Variants in CFAP44 observed in about 807,000 individuals in gnomAD.
The protein encoded by CFAP44 is cilia and flagella associated protein 44, also known as cilia- and flagella-associated protein 44.
A neutral mutation model predicts 216.2 loss-of-function variants in CFAP44; 134 were observed. That is an observed-to-expected ratio of 0.62 (90% CI 0.54 to 0.72). The LOEUF is 0.72. CFAP44 is among the 30% of genes least tolerant of loss of function. The pLI is 0.00. For synonymous variants in CFAP44, 700 were observed against 727.6 expected, an observed-to-expected ratio of 0.96 and a Z score of 0.61; for missense variants, 2,035 against 2,182.1, an observed-to-expected ratio of 0.93 and a Z score of 1.34.
At chr3:113,423,665 T>A (rs1486886160) in intron 4 of CFAP44, among the ~76,000 whole-genome samples, 1 of 152,242 alleles carries the variant, frequency 6.6e-6, no homozygotes, top group Non-Finnish European at 1.5e-5. Flanking sequence ...AAGTTCTGTA[T>A]AATCTCTTTT....
chr3:113,389,278 G>A (rs906820789), intron 15 of CFAP44, among the ~76,000 whole-genome samples: 5 of 151,902 alleles, frequency 3.3e-5, no homozygotes, highest in Non-Finnish European at 7.4e-5. Context: ...ATGACCAGTG[G>A]GTCAATGAAG....
intron 33 of CFAP44, among the ~76,000 whole-genome samples, chr3:113,296,212 G>A (rs1301770466): frequency 1.3e-5 from 2 of 152,112 alleles, no homozygotes; most frequent in African/African-American, 2.4e-5. Flanking sequence ...TCGTGTTGCT[G>A]CAAAGGACAT....
rs142425145 is a variant in CFAP44, at chr3:113,401,647, C to T, written c.1263G>A (p.Lys421=). The part of the protein sequence containing the change: ...IEPINELQVD[K]NVNLFSMIKM... ...TTATCATAGAGAAGAGATTCACATT[C>T]TTGTCTACTTGAAGTTCATTAATAG... Residue 421 remains lysine (K), a synonymous_variant, in exon 10 of 35, where the codon AAG becomes AAA. Coordinates refer to ENST00000393845, the MANE Select transcript of CFAP44 (RefSeq NM_001164496.2). The T allele has an allele frequency of 5.4e-5, 87 of 1,613,432 alleles. No individual in the cohort carries two copies. Among genetic ancestry groups the T allele is most frequent in the Non-Finnish European group, 7.2e-5 (85 of 1,179,756 alleles).
intron 28 of CFAP44, among the ~76,000 whole-genome samples, chr3:113,319,630 T>C (rs144272792): frequency 5.3e-5 from 8 of 152,304 alleles, no homozygotes; most frequent in Non-Finnish European, 7.4e-5. Flanking sequence ...ACTTAGAATA[T>C]ACATTCTTCT....
chr3:113,401,688 A>G lies in CFAP44; in HGVS notation c.1222T>C (p.Leu408=), dbSNP rs1934145384. ...TCATTAATAGGCTCAATCTCCAACA[A>G]TCCAGTCTCATCTATTACATCAGCA... ...DTADVIDETG[L]LEIEPINELQ... The change falls in exon 10 of 35, where the codon TTG becomes CTG. Residue 408 remains leucine (L), a synonymous_variant. Coordinates refer to ENST00000393845, the MANE Select transcript of CFAP44 (RefSeq NM_001164496.2). 1 of 1,613,406 alleles carries G rather than the reference A, an allele frequency of 6.2e-7. No individual in the cohort carries two copies. Among genetic ancestry groups the G allele is most frequent in the South Asian group, 1.1e-5 (1 of 91,064 alleles).
chr3:113,374,671 G>C (rs1319337229), intron 17 of CFAP44, among the ~76,000 whole-genome samples: 1 of 152,152 alleles, frequency 6.6e-6, no homozygotes, highest in Admixed American at 6.5e-5. Context: ...GTCTTACTCT[G>C]TCACCCAGGC....
intron 15 of CFAP44, among the ~76,000 whole-genome samples, chr3:113,390,839 T>C (rs1659576200): frequency 6.6e-6 from 1 of 151,808 alleles, no homozygotes; most frequent in Admixed American, 6.6e-5. Flanking sequence ...ATGAAAGAAA[T>C]TGAAGAGGAA....
rs1320178914 is a variant in CFAP44, at chr3:113,409,368, C to G, written c.674-46G>C. ...CTAATAAATAAGGACACATTTATTT[C>G]ATTTTCAAAAACATATTGTAAAAAA... On this transcript the variant is annotated intron_variant, in intron 6 of 34. Transcript: ENST00000393845. 6 of 1,533,416 alleles carry G rather than the reference C, an allele frequency of 3.9e-6. No homozygotes were observed. In the East Asian group the frequency reaches 1.4e-4, roughly 35 times the overall value. 95.0% of individuals were successfully genotyped at this position (1,533,416 alleles called of 1,614,324 possible).
intron 34 of CFAP44, 61 bp from the exon 35 acceptor site, chr3:113,291,809 C>T (rs553619517): frequency 2.0e-6 from 3 of 1,506,572 alleles, no homozygotes; most frequent in Admixed American, 2.0e-5. Flanking sequence ...ACTCCATGCC[C>T]TTATACTGTG....
chr3:113,294,527 G>T lies in CFAP44; in HGVS notation c.5373+160C>A, dbSNP rs1015131696. ...AGTCCCTCAGGCCCACTGTAATGTG[G>T]CTAACACCAACTCAGTGTCCTCGGG... is the stretch of plus-strand genomic sequence containing the variant. On this transcript the variant is annotated intron_variant, in intron 34 of 34. Transcript: ENST00000393845. 6 of 926,146 alleles carry T rather than the reference G, an allele frequency of 6.5e-6. No homozygotes were observed. The African/African-American group carries it at 8.4e-5, about 13-fold the overall frequency. The allele number at this position is 926,146 out of a possible 1,614,324, so 57.4% of individuals were successfully genotyped here.
In CFAP44 at chr3:113,396,590, C is replaced by T. The variant is rs1201948417; in HGVS notation, c.1707G>A (p.Gln569=). Residue 569 remains glutamine (Q), a synonymous_variant, in exon 14 of 35, where the codon CAG becomes CAA. Coordinates refer to ENST00000393845, the MANE Select transcript of CFAP44 (RefSeq NM_001164496.2). The stretch of plus-strand genomic sequence containing the variant: ...CACAAGCAGTATGGGGTTTGAAAAC[C>T]TGTTTCAACTGAATATCAGCATCCA... ...KILDADIQLK[Q]VFKPHTACVT... is the part of the protein sequence containing the mutation. The T allele has an allele frequency of 2.5e-6, 4 of 1,613,974 alleles. No individual in the cohort carries two copies. The highest frequency in any genetic ancestry group is 2.2e-5 in the East Asian group (1 of 44,882).
intron 5 of CFAP44, among the ~76,000 whole-genome samples, chr3:113,419,293 GT>G (rs901830177): frequency 2.6e-5 from 4 of 150,950 alleles, no homozygotes; most frequent in African/African-American, 4.9e-5. Flanking sequence ...TGTGTGTCTA[GT>G]TTTTTTTTCT....
intron 22 of CFAP44, among the ~76,000 whole-genome samples, chr3:113,348,055 G>C (rs899310800): frequency 5.3e-5 from 8 of 152,218 alleles, no homozygotes; most frequent in African/African-American, 1.9e-4. Flanking sequence ...TGTTTTTGCT[G>C]CTGCATTGGT....
At chr3:113,322,451 A>G (rs1488423719) in intron 28 of CFAP44, among the ~76,000 whole-genome samples, 5 of 152,236 alleles carry the variant, frequency 3.3e-5, no homozygotes, top group African/African-American at 9.6e-5. Flanking sequence ...ACTTCTCAAA[A>G]GATTACCTAC....
In CFAP44 at chr3:113,433,705, G is replaced by C. The variant is rs536081422; in HGVS notation, c.-5-36C>G. 7 of 1,489,622 alleles carry C rather than the reference G, an allele frequency of 4.7e-6. No individual in the cohort carries two copies. In the South Asian group the frequency reaches 7.9e-5, roughly 17 times the overall value. The allele number at this position is 1,489,622 out of a possible 1,614,324, so 92.3% of individuals were successfully genotyped here. A position where few individuals can be genotyped will look rare whatever the true frequency, so the allele number is the denominator to read the frequency against. On this transcript the variant is annotated intron_variant, in intron 1 of 34. Coordinates refer to ENST00000393845, the MANE Select transcript of CFAP44 (RefSeq NM_001164496.2). The stretch of plus-strand genomic sequence containing the variant: ...AAAATGGGGATGAGATATGGATAAA[G>C]CTGTAAAATTGAAACTAACAGATTT...
intron 2 of CFAP44, among the ~76,000 whole-genome samples, chr3:113,431,959 C>T (rs4682138): frequency 0.49 from 74,490 of 151,970 alleles, 18,933 homozygotes; most frequent in East Asian, 0.68. Flanking sequence ...TCCATTGCAG[C>T]CTATGAAGTC....
At chr3:113,372,180 A>G (rs1486822877) in intron 18 of CFAP44, among the ~76,000 whole-genome samples, 1 of 152,236 alleles carries the variant, frequency 6.6e-6, no homozygotes, top group African/African-American at 2.4e-5. Flanking sequence ...GCGATTCCTC[A>G]AGGATCTACA....
At chr3:113,295,905 CT>C (rs1476259152) in intron 33 of CFAP44, among the ~76,000 whole-genome samples, 1 of 152,148 alleles carries the variant, frequency 6.6e-6, no homozygotes, top group Non-Finnish European at 1.5e-5. Flanking sequence ...AGCATTTATA[CT>C]TTTTAAAAAA....
intron 19 of CFAP44, 50 bp from the exon 20 acceptor site, chr3:113,363,582 T>A: frequency 6.8e-7 from 1 of 1,471,768 alleles, no homozygotes; most frequent in Non-Finnish European, 9.2e-7. Context: ...CATAGCATTT[T>A]CCTTAAAATA....
Sources: allele counts gnomAD v4.1 joint callset (sites outside exome capture counted in the v4.1 genomes callset), GRCh38; gene constraint gnomAD v4.1.1; transcripts MANE v1.5; gene names NCBI Gene and HGNC (gene_info 2026-07-23, HGNC 2026-07-21).